Variants in MAPK10 observed in about 807,000 individuals in gnomAD.
MAPK10 encodes JNK3 alpha protein kinase.
MAPK10 carries 25 observed loss-of-function variants against 59.3 expected under a neutral mutation model. That is an observed-to-expected ratio of 0.42 (90% CI 0.31 to 0.59). The LOEUF (loss-of-function observed/expected upper bound fraction) is 0.59, where lower values mean the gene tolerates loss of function less well. Among genes scored for constraint, MAPK10 ranks in the 20% least tolerant of loss-of-function variants. The probability of loss-of-function intolerance (pLI) is 0.15; values close to 1 mark genes in which losing one functional copy is unlikely to be tolerated. For synonymous variants in MAPK10, 190 were observed against 200.5 expected, an observed-to-expected ratio of 0.95 and a Z score of 0.44; for missense variants, 351 against 568.9, an observed-to-expected ratio of 0.62 and a Z score of 3.90.
At chr4:86,213,130 T>C (rs1582934424) in intron 2 of MAPK10, among the ~76,000 whole-genome samples, 1 of 152,148 alleles carries the variant, frequency 6.6e-6, no homozygotes. Context: ...TAAGGGAAAA[T>C]ATAAATTCAT....
At position 86,239,481 on chromosome 4, in the gene MAPK10, C is replaced by CT. The variant is rs200350867; in HGVS notation, c.-6-45075dup. Among the ~76,000 whole-genome samples, 291 of 151,704 alleles carry CT rather than the reference C, an allele frequency of 1.9e-3. 1 individual carries two copies. The highest frequency in any genetic ancestry group is 6.5e-3 in the African/African-American group (270 of 41,398). On this transcript the variant is annotated intron_variant, in intron 2 of 13. Transcript: ENST00000641462. ...AGCTGTGAATCCGTCTGGTCCTGGG[C>CT]TTTTTTTTGGTTGGTAGGCTGTTAA...
intron 2 of MAPK10, among the ~76,000 whole-genome samples, chr4:86,334,026 A>T (rs13112497): frequency 0.27 from 40,992 of 151,910 alleles, 5,622 homozygotes; most frequent in South Asian, 0.43. Flanking sequence ...ACTCACCATA[A>T]CCTCCAGCCC....
intron 11 of MAPK10, among the ~76,000 whole-genome samples, chr4:86,038,076 C>T (rs1001048607): frequency 1.3e-5 from 2 of 152,196 alleles, no homozygotes; most frequent in African/African-American, 4.8e-5. Context: ...ACATGAATCT[C>T]TAAAGAGATA....
At chr4:86,495,948 T>C (rs1306494159) in intron 1 of MAPK10, among the ~76,000 whole-genome samples, 1 of 152,220 alleles carries the variant, frequency 6.6e-6, no homozygotes, top group Non-Finnish European at 1.5e-5. Flanking sequence ...TCTCAAGTTT[T>C]ACCAAAAACT....
At chr4:86,522,867 T>C (rs1757219364) in intron 1 of MAPK10, among the ~76,000 whole-genome samples, 1 of 152,228 alleles carries the variant, frequency 6.6e-6, no homozygotes, top group African/African-American at 2.4e-5. Context: ...TGACTTACAG[T>C]TGTTACAGCA....
intron 2 of MAPK10, among the ~76,000 whole-genome samples, chr4:86,239,069 T>A (rs548711729): frequency 6.6e-6 from 1 of 152,232 alleles, no homozygotes; most frequent in East Asian, 1.9e-4. Flanking sequence ...GATGTTGAAT[T>A]TTATTAAAGG....
intron 9 of MAPK10, chr4:86,079,457 A>G (rs2050185081): frequency 6.6e-6 from 1 of 152,124 alleles, no homozygotes; most frequent in African/African-American, 2.4e-5. Flanking sequence ...TTACAAGACT[A>G]ATTTTTTACT....
chr4:86,504,169 A>C (rs1755546149), intron 1 of MAPK10, among the ~76,000 whole-genome samples: 1 of 152,186 alleles, frequency 6.6e-6, no homozygotes, highest in African/African-American at 2.4e-5. Context: ...TCACTAAAAT[A>C]TAAGCACCCT....
chr4:86,246,952 G>C (rs2093134106), intron 2 of MAPK10, among the ~76,000 whole-genome samples: 2 of 152,234 alleles, frequency 1.3e-5, no homozygotes, highest in South Asian at 4.1e-4. Flanking sequence ...CTCCAGGGTA[G>C]TGTGCAACCT....
At chr4:86,343,057 A>C (rs1219323487) in intron 2 of MAPK10, among the ~76,000 whole-genome samples, 2 of 152,114 alleles carry the variant, frequency 1.3e-5, no homozygotes, top group African/African-American at 4.8e-5. Flanking sequence ...CCCTATGCAT[A>C]AGCCACGCAA....
intron 9 of MAPK10, among the ~76,000 whole-genome samples, chr4:86,096,696 AT>A (rs1045867818): frequency 6.6e-6 from 1 of 152,016 alleles, no homozygotes; most frequent in Non-Finnish European, 1.5e-5. Context: ...AAAGAAAATA[AT>A]TCCTACTTTT....
intron 11 of MAPK10, among the ~76,000 whole-genome samples, chr4:86,063,746 A>G (rs187235610): frequency 3.3e-5 from 5 of 152,330 alleles, no homozygotes; most frequent in Admixed American, 3.3e-4. Context: ...ATCAACCTGA[A>G]GTAATGTACT....
intron 4 of MAPK10, among the ~76,000 whole-genome samples, chr4:86,153,899 G>A (rs991411974): frequency 6.6e-6 from 1 of 152,086 alleles, no homozygotes; most frequent in Non-Finnish European, 1.5e-5. Flanking sequence ...AGGAGGTTGC[G>A]ATTAAGGGTC....
intron 1 of MAPK10, among the ~76,000 whole-genome samples, chr4:86,365,431 CAAAAAAAAAAAAAAAA>C (rs70948789): frequency 1.5e-3 from 50 of 32,450 alleles, no homozygotes; most frequent in African/African-American, 3.4e-3. Context: ...GACTCTGTCT[CAAAAAAAAAAAAAAAA>C]AAAAAAAAAA....
chr4:86,194,250 T>C, intron 3 of MAPK10, 86 bp downstream of exon 3: 1 of 1,002,382 alleles, frequency 1.0e-6, no homozygotes, highest in East Asian at 2.4e-5. Context: ...ATACTGACTT[T>C]GGTGTGGAAT....
chr4:86,526,220 GT>G (rs541926854), intron 1 of MAPK10, among the ~76,000 whole-genome samples: 16 of 152,048 alleles, frequency 1.1e-4, no homozygotes, highest in Non-Finnish European at 1.0e-4. Flanking sequence ...GGGATGGTAG[GT>G]TTTTTTATTA....
intron 1 of MAPK10, among the ~76,000 whole-genome samples, chr4:86,533,904 G>C (rs1758031583): frequency 6.6e-6 from 1 of 152,118 alleles, no homozygotes; most frequent in Non-Finnish European, 1.5e-5. Flanking sequence ...CACAAGAGAG[G>C]AACCAATCCC....
chr4:86,029,228 AT>A lies in MAPK10; in HGVS notation c.1220del (p.Asn407MetfsTer3). ...EVMNSEEKTK[N>X]GVVKGQPSPS... ...GAGAAGGCTGTCCTTTTACTACACC[AT>A]TTTTAGTCTTTTCTTCTGAATTCAT... On this transcript the variant is annotated frameshift_variant, in exon 13 of 14. Coordinates refer to ENST00000641462, the MANE Select transcript of MAPK10 (RefSeq NM_138982.4). LOFTEE classifies it high-confidence loss of function. The A allele has an allele frequency of 6.2e-7, 1 of 1,611,268 alleles. No individual in the cohort carries two copies.
chr4:86,362,461 C>T (rs539741119), upstream of MAPK10, among the ~76,000 whole-genome samples: 30 of 150,854 alleles, frequency 2.0e-4, no homozygotes, highest in South Asian at 5.4e-3. Context: ...TTCCACTTAT[C>T]CTAAGTCACC....
Sources: allele counts gnomAD v4.1 joint callset (sites outside exome capture counted in the v4.1 genomes callset), GRCh38; gene constraint gnomAD v4.1.1; transcripts MANE v1.5; gene names NCBI Gene and HGNC (gene_info 2026-07-23, HGNC 2026-07-21).